KIAA1549L: variants seen among roughly 807,000 people sequenced by gnomAD.
The protein encoded by KIAA1549L is UPF0606 protein KIAA1549L.
A neutral mutation model predicts 160.7 loss-of-function variants in KIAA1549L; 88 were observed. The ratio of observed to expected loss-of-function variants is 0.55; its 90% CI spans 0.46 to 0.65. The LOEUF is 0.65. Among genes scored for constraint, KIAA1549L ranks in the 30% least tolerant of loss-of-function variants. The pLI, the probability that KIAA1549L is intolerant of heterozygous loss-of-function variation, is 0.00. For synonymous variants in KIAA1549L, 950 were observed against 976.7 expected (o/e 0.97, Z 0.51); for missense variants, 2,258 against 2,437.5 (o/e 0.93, Z 1.55).
chr11:33,391,043 T>C, intron 1 of KIAA1549L, among the ~76,000 whole-genome samples: 1 of 152,178 alleles, frequency 6.6e-6, no homozygotes, highest in East Asian at 1.9e-4. Flanking sequence ...TGTAATTATG[T>C]AAAAGGGAAT....
intron 16 of KIAA1549L, among the ~76,000 whole-genome samples, chr11:33,636,349 C>CTCT (rs1851437050): frequency 7.3e-6 from 1 of 136,136 alleles, no homozygotes; most frequent in Admixed American, 7.4e-5. Context: ...AATGAATCTT[C>CTCT]TTTTTTTTTT....
chr11:33,666,625 G>T (rs1374669426), intron 20 of KIAA1549L, among the ~76,000 whole-genome samples: 1 of 152,244 alleles, frequency 6.6e-6, no homozygotes, highest in East Asian at 1.9e-4. Context: ...TGGGAGAATC[G>T]ACTCTAAATT....
chr11:33,565,060 G>A (rs1256922798), intron 8 of KIAA1549L, among the ~76,000 whole-genome samples: 7 of 152,308 alleles, frequency 4.6e-5, no homozygotes, highest in African/African-American at 9.6e-5. Flanking sequence ...AAGGCTGGGG[G>A]ACCAGGGCCC....
intron 1 of KIAA1549L, among the ~76,000 whole-genome samples, chr11:33,435,810 ATG>A (rs371276872): frequency 0.021 from 578 of 27,188 alleles, 109 homozygotes; most frequent in African/African-American, 0.083. Flanking sequence ...ATATATATAT[ATG>A]TGTGTGTATA....
chr11:33,543,654 G>A lies in KIAA1549L; in HGVS notation c.2091G>A (p.Trp697Ter), dbSNP rs1276468178. 6.2e-7 allele frequency: 1 copy of A among 1,613,902 alleles called. No homozygotes were observed. Among genetic ancestry groups the A allele is most frequent in the Non-Finnish European group, 8.5e-7 (1 of 1,179,832 alleles). The change falls in exon 2 of 21, where the codon TGG becomes TGA. Residue 697 changes from tryptophan to a stop codon, truncating the protein, a stop_gained. Coordinates refer to ENST00000658780, the MANE Select transcript of KIAA1549L (RefSeq NM_012194.3). LOFTEE classifies it high-confidence loss of function. ...AGCCAGCAACCACAGATGTTTTCTG[G>A]AGTTCTCTTTCAGCAGAAACTGGAT... ...MKKPATTDVF[W>*]SSLSAETGSL...
At chr11:33,613,033 C>T (rs1850687927) in intron 15 of KIAA1549L, among the ~76,000 whole-genome samples, 1 of 152,084 alleles carries the variant, frequency 6.6e-6, no homozygotes, top group Non-Finnish European at 1.5e-5. Context: ...GATTCCATAT[C>T]TTTGCAATTG....
chr11:33,420,229 T>G (rs955507711), intron 1 of KIAA1549L, among the ~76,000 whole-genome samples: 3 of 73,944 alleles, frequency 4.1e-5, no homozygotes, highest in Admixed American at 1.4e-4. Context: ...TCAAAGTTTT[T>G]TTTTTGTTTT....
intron 1 of KIAA1549L, among the ~76,000 whole-genome samples, chr11:33,394,843 C>A (rs1047164514): frequency 6.6e-6 from 1 of 152,266 alleles, no homozygotes; most frequent in African/African-American, 2.4e-5. Flanking sequence ...CAGTCTGTGG[C>A]TCCCAAGGCT....
intron 1 of KIAA1549L, among the ~76,000 whole-genome samples, chr11:33,383,812 G>A (rs923266392): frequency 5.9e-5 from 9 of 152,210 alleles, no homozygotes; most frequent in African/African-American, 2.2e-4. Flanking sequence ...CCGAGGCTCA[G>A]GGTGCCATAG....
chr11:33,599,707 C>A (rs186334987), intron 13 of KIAA1549L, among the ~76,000 whole-genome samples: 121 of 152,304 alleles, frequency 7.9e-4, no homozygotes, highest in African/African-American at 2.7e-3. Flanking sequence ...AGCTCCCTCT[C>A]CTGTTCCCAC....
chr11:33,397,622 G>T (rs900535810), intron 1 of KIAA1549L, among the ~76,000 whole-genome samples: 5 of 151,776 alleles, frequency 3.3e-5, no homozygotes, highest in African/African-American at 1.2e-4. Context: ...TGAGGCAGGA[G>T]AATCTCTTGA....
At chr11:33,527,316 AAAAC>A (rs1429264586) in intron 1 of KIAA1549L, among the ~76,000 whole-genome samples, 6 of 152,336 alleles carry the variant, frequency 3.9e-5, no homozygotes, top group African/African-American at 1.2e-4. Context: ...GATCTTCAAC[AAAAC>A]AAACAAACAA....
At chr11:33,575,043 A>T (rs1161681220) in intron 10 of KIAA1549L, among the ~76,000 whole-genome samples, 170 bp downstream of exon 10, 1 of 152,148 alleles carries the variant, frequency 6.6e-6, no homozygotes, top group Non-Finnish European at 1.5e-5. Context: ...GCAATAAGGG[A>T]TATGTTTTAG....
chr11:33,557,095 C>T (rs1299303731), intron 6 of KIAA1549L, among the ~76,000 whole-genome samples: 2 of 152,134 alleles, frequency 1.3e-5, no homozygotes, highest in Admixed American at 1.3e-4. Context: ...TCAGGTGATC[C>T]TCCTGCCTCA....
intron 17 of KIAA1549L, among the ~76,000 whole-genome samples, chr11:33,648,487 G>A (rs1307670403): frequency 7.3e-6 from 1 of 136,732 alleles, no homozygotes. Context: ...AGAAAAGGTG[G>A]CAATTTAGAA....
chr11:33,503,337 C>A (rs1417853883), intron 1 of KIAA1549L, among the ~76,000 whole-genome samples: 1 of 152,194 alleles, frequency 6.6e-6, no homozygotes, highest in African/African-American at 2.4e-5. Context: ...ATTCCTCTGG[C>A]AATGAGCATT....
At chr11:33,589,035 A>G (rs1812138591) in intron 11 of KIAA1549L, among the ~76,000 whole-genome samples, 1 of 152,224 alleles carries the variant, frequency 6.6e-6, no homozygotes, top group Non-Finnish European at 1.5e-5. Flanking sequence ...TTCCTGTTGT[A>G]TCTCTGGCTA....
intron 2 of KIAA1549L, 38 bp downstream of exon 2, chr11:33,544,374 C>T (rs767462181): frequency 3.7e-6 from 6 of 1,600,030 alleles, no homozygotes; most frequent in Non-Finnish European, 5.1e-6. Flanking sequence ...TTCCCGGTAC[C>T]CCCAAAACAG....
intron 1 of KIAA1549L, among the ~76,000 whole-genome samples, chr11:33,536,300 G>C (rs2133160715): frequency 6.6e-6 from 1 of 152,356 alleles, no homozygotes; most frequent in East Asian, 1.9e-4. Flanking sequence ...CATGATGTCT[G>C]GGCCTCAGTT....
Sources: allele counts gnomAD v4.1 joint callset (sites outside exome capture counted in the v4.1 genomes callset), GRCh38; gene constraint gnomAD v4.1.1; transcripts MANE v1.5; gene names NCBI Gene and HGNC (gene_info 2026-07-23, HGNC 2026-07-21).